The following ATP8B1 variants were observed in gnomAD, a reference collection of about 807,000 sequenced individuals.
ATP8B1 encodes the protein phospholipid-transporting ATPase IC.
A neutral mutation model predicts 149.9 loss-of-function variants in ATP8B1; 80 were observed. The ratio of observed to expected loss-of-function variants is 0.53; its 90% CI spans 0.45 to 0.64. The LOEUF (loss-of-function observed/expected upper bound fraction) is 0.64. Ranked by LOEUF, ATP8B1 falls within the 30% of genes least tolerant of loss-of-function variation. The probability of loss-of-function intolerance (pLI) is 0.00; values close to 1 mark genes in which losing one functional copy is unlikely to be tolerated. For missense variants in ATP8B1, 1,247 were observed against 1,552.6 expected (o/e 0.80, Z 3.31); for synonymous variants, 536 against 562.8 (o/e 0.95, Z 0.67).
chr18:57,676,457 C>T (rs1041866522), intron 15 of ATP8B1, among the ~76,000 whole-genome samples: 1 of 151,384 alleles, frequency 6.6e-6, no homozygotes, highest in South Asian at 2.1e-4. Flanking sequence ...CAGTGGCTCA[C>T]GCCTGTAATC....
chr18:57,650,037 C>T (rs975138868), intron 27 of ATP8B1, among the ~76,000 whole-genome samples: 12 of 151,958 alleles, frequency 7.9e-5, no homozygotes, highest in African/African-American at 2.9e-4. Flanking sequence ...CAGAAGGTGA[C>T]ATTTTTCTTA....
At chr18:57,788,599 C>T (rs919709056) in intron 1 of ATP8B1, among the ~76,000 whole-genome samples, 3 of 151,612 alleles carry the variant, frequency 2.0e-5, no homozygotes, top group Admixed American at 1.3e-4. Flanking sequence ...AAATTAACTG[C>T]TCATCACTGA....
At chr18:57,686,024 G>T (rs1407924810) in intron 13 of ATP8B1, among the ~76,000 whole-genome samples, 1 of 152,132 alleles carries the variant, frequency 6.6e-6, no homozygotes, top group African/African-American at 2.4e-5. Context: ...GAGGCAGATG[G>T]ATCACTTGAG....
intron 16 of ATP8B1, among the ~76,000 whole-genome samples, chr18:57,674,282 G>A (rs774466987): frequency 1.3e-4 from 20 of 149,296 alleles, no homozygotes; most frequent in Admixed American, 2.7e-4. Context: ...AAAAAAGAGA[G>A]GGATTAAAAA....
intron 1 of ATP8B1, among the ~76,000 whole-genome samples, chr18:57,734,501 T>G (rs1196297339): frequency 6.6e-6 from 1 of 152,252 alleles, no homozygotes; most frequent in Non-Finnish European, 1.5e-5. Flanking sequence ...TGTTAATTTT[T>G]CATATACTTC....
At position 57,704,035 on chromosome 18, in the gene ATP8B1, C is replaced by T. The variant is rs574447482; in HGVS notation, c.393+520G>A. Among the ~76,000 whole-genome samples the T allele has an allele frequency of 1.7e-4, 26 of 150,630 alleles. No individual in the cohort carries two copies. In the South Asian group the frequency reaches 2.3e-3, roughly 13 times the overall value. On this transcript the variant is annotated intron_variant, in intron 4 of 27. Transcript: ENST00000648908. Reference sequence around the variant, plus strand: ...AAGCTGGAGTGCAATGGTGTGATCTCGGCTCACTGCAACCTCCGCCTCCTG... The same window carrying T: ...AAGCTGGAGTGCAATGGTGTGATCTTGGCTCACTGCAACCTCCGCCTCCTG...
intron 2 of ATP8B1, among the ~76,000 whole-genome samples, chr18:57,718,551 AAAAAAC>A (rs780049165): frequency 2.6e-5 from 4 of 152,344 alleles, no homozygotes; most frequent in East Asian, 3.9e-4. Context: ...AAGACACATC[AAAAAAC>A]AAAAACAAAA....
intron 1 of ATP8B1, among the ~76,000 whole-genome samples, chr18:57,753,860 G>A (rs147357429): frequency 0.011 from 1,582 of 149,622 alleles, 26 homozygotes; most frequent in African/African-American, 0.037. Context: ...CCTGGGAGGC[G>A]GAGGTTGCAG....
chr18:57,719,691 C>T (rs934006819), intron 2 of ATP8B1, among the ~76,000 whole-genome samples: 3 of 152,202 alleles, frequency 2.0e-5, no homozygotes, highest in Admixed American at 6.5e-5. Flanking sequence ...GGAGAGGTGC[C>T]CGCCATTGCC....
In ATP8B1 at chr18:57,718,557, C is replaced by CA. The variant is rs1444712282; in HGVS notation, c.182-11971dup. On this transcript the variant is annotated intron_variant, in intron 2 of 27. Coordinates refer to ENST00000648908, the MANE Select transcript of ATP8B1 (RefSeq NM_001374385.1). ...AACCAGACAAAGACACATCAAAAAACAAAAACAAAAACAAAAAGACCTATA... is the reference window on the plus strand; with the variant it reads ...AACCAGACAAAGACACATCAAAAAACAAAAAACAAAAACAAAAAGACCTATA... 7.2e-5 allele frequency among the ~76,000 whole-genome samples: 11 copies of CA among 151,910 alleles called. 1 individual carries two copies. The highest frequency in any genetic ancestry group is 6.6e-4 in the Admixed American group (10 of 15,246).
chr18:57,719,532 G>T (rs984203089), intron 2 of ATP8B1, among the ~76,000 whole-genome samples: 1 of 152,190 alleles, frequency 6.6e-6, no homozygotes, highest in African/African-American at 2.4e-5. Flanking sequence ...ACTCCCACCC[G>T]AATATTGCGC....
At position 57,650,513 on chromosome 18, in the gene ATP8B1, CA is replaced by C. The variant is rs1171756679; in HGVS notation, c.3401-17del. 1.9e-6 allele frequency: 3 copies of C among 1,611,284 alleles called. No homozygotes were observed. The African/African-American group carries it at 4.0e-5, about 22-fold the overall frequency. Reference sequence around the variant, plus strand: ...GAAGCTGTGCCTGTAAAGAACATGGCAAATGCATCACTGTGGTTCTTTTTTC... The same window carrying C: ...GAAGCTGTGCCTGTAAAGAACATGGCAATGCATCACTGTGGTTCTTTTTTC... On this transcript the variant is annotated splice_polypyrimidine_tract_variant and intron_variant, in intron 26 of 27. Coordinates refer to ENST00000648908, the MANE Select transcript of ATP8B1 (RefSeq NM_001374385.1).
chr18:57,653,051 T>G (rs2122567675), intron 24 of ATP8B1, among the ~76,000 whole-genome samples: 1 of 152,284 alleles, frequency 6.6e-6, no homozygotes, highest in South Asian at 2.1e-4. Context: ...AGTGAATATA[T>G]ATTGTTGCAA....
At chr18:57,773,870 C>G (rs1029875219) in intron 1 of ATP8B1, among the ~76,000 whole-genome samples, 2 of 152,136 alleles carry the variant, frequency 1.3e-5, no homozygotes, top group Non-Finnish European at 2.9e-5. Context: ...AGCTGCTTGG[C>G]TGAAGCTCTG....
At chr18:57,677,332 TAA>T (rs1366223802) in intron 15 of ATP8B1, among the ~76,000 whole-genome samples, 1 of 152,214 alleles carries the variant, frequency 6.6e-6, no homozygotes, top group African/African-American at 2.4e-5. Flanking sequence ...ATAAAAAGTT[TAA>T]AAAATACTCT....
rs1599087884 is a variant in ATP8B1 at position 57,665,448 on chromosome 18, C to T, written c.2285+1644G>A. On this transcript the variant is annotated intron_variant, in intron 20 of 27. Transcript: ENST00000648908. ...AGAGAGACCAGAAATTTTTTTACAG[C>T]CCCATCTACAAAAAATAAACAAAGC... Among the ~76,000 whole-genome samples, 9 of 152,214 alleles carry T rather than the reference C, an allele frequency of 5.9e-5. No homozygotes were observed. In the South Asian group the frequency reaches 1.9e-3, roughly 32 times the overall value.
At chr18:57,733,230 C>G (rs1193482310) in intron 1 of ATP8B1, among the ~76,000 whole-genome samples, 2 of 152,142 alleles carry the variant, frequency 1.3e-5, no homozygotes, top group Non-Finnish European at 1.5e-5. Context: ...TTGTTAATGA[C>G]AGCAGCTCGC....
rs1026604760 is a variant in ATP8B1 at position 57,736,008 on chromosome 18, G to A, written c.-25-4176C>T. 1.2e-4 allele frequency among the ~76,000 whole-genome samples: 15 copies of A among 120,930 alleles called. No individual in the cohort carries two copies. The South Asian group carries it at 1.4e-3, about 11-fold the overall frequency. 79.3% of individuals were successfully genotyped at this position (120,930 alleles called of 152,430 possible). A position where few individuals can be genotyped will look rare whatever the true frequency, so the allele number is the denominator to read the frequency against. On this transcript the variant is annotated intron_variant, in intron 1 of 27. Transcript: ENST00000648908. ...CCCCCAACAGGCCCCAGTGTGTGAT[G>A]TTCCCCTCCCTGTGTTCATGTGTTC...
rs369923908 is a variant in ATP8B1, at chr18:57,767,743, C to T, written c.-26+35255G>A. On this transcript the variant is annotated intron_variant, in intron 1 of 27. Transcript: ENST00000648908. The stretch of plus-strand genomic sequence containing the variant: ...GGCAGAGGTTGCAGTGAGCCAAGAT[C>T]GTGCCATTGCACTCCAGCTTGGGCA... Among the ~76,000 whole-genome samples the T allele has an allele frequency of 1.3e-4, 19 of 151,430 alleles. No individual in the cohort carries two copies. The South Asian group carries it at 3.1e-3, about 25-fold the overall frequency.
Sources: allele counts gnomAD v4.1 joint callset (sites outside exome capture counted in the v4.1 genomes callset), GRCh38; gene constraint gnomAD v4.1.1; transcripts MANE v1.5; gene names NCBI Gene and HGNC (gene_info 2026-07-23, HGNC 2026-07-21).